Variants in DPYD observed in about 807,000 individuals in gnomAD.
DPYD encodes the protein dihydropyrimidine dehydrogenase [NADP(+)].
A neutral mutation model predicts 116.2 loss-of-function variants in DPYD; 109 were observed. The ratio of observed to expected loss-of-function variants is 0.94; its 90% CI spans 0.80 to 1.10. DPYD has a LOEUF of 1.10. DPYD is among the 50% of genes least tolerant of loss of function. The pLI, the probability that DPYD is intolerant of heterozygous loss-of-function variation, is 0.00. For synonymous variants in DPYD, 440 were observed against 432.0 expected (o/e 1.02, Z -0.23); for missense variants, 1,302 against 1,254.5 (o/e 1.04, Z -0.57).
chr1:97,859,098 T>G (rs562864426), intron 2 of DPYD, among the ~76,000 whole-genome samples: 1 of 152,270 alleles, frequency 6.6e-6, no homozygotes, highest in East Asian at 1.9e-4. Context: ...TAAAAATAAG[T>G]GATTTTTCTG....
At position 97,467,353 on chromosome 1, in the gene DPYD, T is replaced by C. The variant is rs117806252; in HGVS notation, c.1741-17130A>G. Among the ~76,000 whole-genome samples, 550 of 152,330 alleles carry C rather than the reference T, an allele frequency of 3.6e-3. 5 individuals are homozygous for C. The East Asian group carries it at 0.052, about 14-fold the overall frequency. ...ATTTCAAAACAAAGCTTCTCTTCCT[T>C]AACTGATTGCAAATCAGAAAACATC... On this transcript the variant is annotated intron_variant, in intron 13 of 22. Coordinates refer to ENST00000370192, the MANE Select transcript of DPYD (RefSeq NM_000110.4).
chr1:97,394,485 G>A (rs1054144842), intron 14 of DPYD: 2 of 152,016 alleles, frequency 1.3e-5, no homozygotes, highest in African/African-American at 4.8e-5. Flanking sequence ...TATCAATTAA[G>A]TTTTCCATAT....
At chr1:97,497,053 T>C (rs1046720304) in intron 13 of DPYD, among the ~76,000 whole-genome samples, 1 of 151,928 alleles carries the variant, frequency 6.6e-6, no homozygotes, top group African/African-American at 2.4e-5. Flanking sequence ...CTCAGGCAAG[T>C]CTTTTTTTAA....
intron 8 of DPYD, among the ~76,000 whole-genome samples, chr1:97,677,837 A>C (rs891882772): frequency 1.3e-5 from 2 of 152,194 alleles, no homozygotes; most frequent in African/African-American, 4.8e-5. Flanking sequence ...GTAGACAAAG[A>C]AGCATTAATG....
intron 19 of DPYD, among the ~76,000 whole-genome samples, chr1:97,228,156 T>A (rs948562628): frequency 2.6e-5 from 4 of 151,928 alleles, no homozygotes; most frequent in Admixed American, 6.5e-5. Flanking sequence ...TTTTTTTTTT[T>A]AATTCACAGA....
At chr1:97,449,123 T>C (rs1203572148) in intron 14 of DPYD, among the ~76,000 whole-genome samples, 1 of 152,140 alleles carries the variant, frequency 6.6e-6, no homozygotes, top group Non-Finnish European at 1.5e-5. Flanking sequence ...TTGCAATTTA[T>C]CAGTTTGTAG....
chr1:97,900,202 G>A (rs1477511101), intron 1 of DPYD, among the ~76,000 whole-genome samples: 1 of 151,902 alleles, frequency 6.6e-6, no homozygotes, highest in African/African-American at 2.4e-5. Context: ...AGGTGAACTT[G>A]AGGATATCAG....
chr1:97,673,272 G>C (rs1659967824), intron 8 of DPYD, among the ~76,000 whole-genome samples: 1 of 151,972 alleles, frequency 6.6e-6, no homozygotes, highest in South Asian at 2.1e-4. Flanking sequence ...GTTAAGAATT[G>C]AGCCTGGAAT....
intron 2 of DPYD, among the ~76,000 whole-genome samples, chr1:97,866,419 AT>A (rs1671381615): frequency 6.6e-6 from 1 of 152,094 alleles, no homozygotes. Context: ...TTCAATTTTT[AT>A]ATTGTGTGAC....
At chr1:97,413,468 TG>T (rs1369833492) in intron 14 of DPYD, among the ~76,000 whole-genome samples, 3 of 152,234 alleles carry the variant, frequency 2.0e-5, no homozygotes, top group Non-Finnish European at 4.4e-5. Context: ...GTTGTTTTTT[TG>T]TTTGTTTGTT....
intron 22 of DPYD, among the ~76,000 whole-genome samples, chr1:97,080,663 C>T (rs980704017): frequency 1.4e-4 from 21 of 152,018 alleles, no homozygotes; most frequent in African/African-American, 5.1e-4. Flanking sequence ...CTTAGGTACC[C>T]TTTTATATAA....
intron 13 of DPYD, among the ~76,000 whole-genome samples, chr1:97,468,153 C>A (rs1206025047): frequency 6.6e-6 from 1 of 152,148 alleles, no homozygotes; most frequent in Admixed American, 6.5e-5. Context: ...TTTATGGACA[C>A]TAAAATTTGA....
chr1:97,240,333 G>A (rs908156683), intron 18 of DPYD, among the ~76,000 whole-genome samples: 2 of 151,756 alleles, frequency 1.3e-5, no homozygotes, highest in Admixed American at 6.6e-5. Context: ...GATGTACTTC[G>A]CATGACTAAA....
At chr1:97,199,671 T>C (rs1659069748) in intron 19 of DPYD, among the ~76,000 whole-genome samples, 1 of 152,032 alleles carries the variant, frequency 6.6e-6, no homozygotes, top group African/African-American at 2.4e-5. Flanking sequence ...GTCAGAAGAC[T>C]CAGGTCTGAG....
intron 18 of DPYD, among the ~76,000 whole-genome samples, chr1:97,276,294 A>G (rs1302869413): frequency 2.6e-5 from 4 of 152,170 alleles, no homozygotes; most frequent in African/African-American, 9.6e-5. Context: ...AACAACAAAA[A>G]TTGACAAGTG....
intron 18 of DPYD, among the ~76,000 whole-genome samples, chr1:97,242,360 T>C (rs897856856): frequency 4.6e-5 from 7 of 150,918 alleles, no homozygotes; most frequent in East Asian, 1.9e-4. Context: ...ACCTTTAAAA[T>C]TGACACGCAA....
intron 8 of DPYD, among the ~76,000 whole-genome samples, chr1:97,618,371 T>C (rs1477053240): frequency 3.0e-5 from 4 of 131,784 alleles, no homozygotes; most frequent in Admixed American, 1.7e-4. Context: ...GTCAAGGATT[T>C]TTTTTCTTTT....
intron 2 of DPYD, among the ~76,000 whole-genome samples, chr1:97,875,756 C>A (rs771979536): frequency 2.0e-5 from 3 of 151,830 alleles, no homozygotes; most frequent in Non-Finnish European, 4.4e-5. Context: ...AAGACACACA[C>A]GCAAAATTAT....
At chr1:97,150,284 A>C (rs916175081) in intron 20 of DPYD, among the ~76,000 whole-genome samples, 3 of 152,082 alleles carry the variant, frequency 2.0e-5, no homozygotes, top group Non-Finnish European at 4.4e-5. Context: ...AAAAAACTAA[A>C]ATAGTTTCTG....
Sources: allele counts gnomAD v4.1 joint callset (sites outside exome capture counted in the v4.1 genomes callset), GRCh38; gene constraint gnomAD v4.1.1; transcripts MANE v1.5; gene names NCBI Gene and HGNC (gene_info 2026-07-23, HGNC 2026-07-21).